GNAI1: variants seen among roughly 807,000 people sequenced by gnomAD.
GNAI1 encodes G protein subunit alpha i1, also known as guanine nucleotide-binding protein G(i) subunit alpha-1.
Under a neutral mutation model 38.9 loss-of-function variants are expected in GNAI1, and 11 were observed. The ratio of observed to expected loss-of-function variants is 0.28; its 90% CI spans 0.18 to 0.47. The LOEUF (loss-of-function observed/expected upper bound fraction) is 0.47. GNAI1 is among the 20% of genes least tolerant of loss of function. The pLI, the probability that GNAI1 is intolerant of heterozygous loss-of-function variation, is 0.99. For missense variants in GNAI1, 317 were observed against 436.9 expected, an observed-to-expected ratio of 0.73 and a Z score of 2.45; for synonymous variants, 166 against 145.1, an observed-to-expected ratio of 1.14 and a Z score of -1.04.
intron 1 of GNAI1, among the ~76,000 whole-genome samples, chr7:80,164,965 A>G (rs931416635): frequency 2.6e-5 from 4 of 152,210 alleles, no homozygotes; most frequent in Non-Finnish European, 5.9e-5. Context: ...CCTATGAGAA[A>G]AAGCTAAAGA....
At chr7:80,203,582 T>G in intron 4 of GNAI1, 122 bp from the exon 5 acceptor site, 1 of 625,948 alleles carries the variant, frequency 1.6e-6, no homozygotes, top group Non-Finnish European at 2.8e-6. Flanking sequence ...TACACACAAA[T>G]TTAAAAACTT....
intron 1 of GNAI1, among the ~76,000 whole-genome samples, chr7:80,140,344 A>G (rs924807313): frequency 1.3e-5 from 2 of 152,230 alleles, no homozygotes; most frequent in East Asian, 1.9e-4. Flanking sequence ...GATAGGAAAC[A>G]TGCCTATCTT....
At chr7:80,160,958 A>T (rs997462283) in intron 1 of GNAI1, among the ~76,000 whole-genome samples, 15 of 152,250 alleles carry the variant, frequency 9.9e-5, no homozygotes, top group Non-Finnish European at 2.1e-4. Context: ...TCCACAAACC[A>T]AGTGGCTCCC....
intron 5 of GNAI1, among the ~76,000 whole-genome samples, chr7:80,205,403 C>T (rs1378321842): frequency 6.6e-6 from 1 of 152,016 alleles, no homozygotes; most frequent in Non-Finnish European, 1.5e-5. Flanking sequence ...TATCATCTCT[C>T]AGCTGCAGAG....
chr7:80,162,238 G>T (rs1301044738), intron 1 of GNAI1, among the ~76,000 whole-genome samples: 1 of 152,106 alleles, frequency 6.6e-6, no homozygotes, highest in Non-Finnish European at 1.5e-5. Flanking sequence ...GAGACTTCTA[G>T]TTTCCAGAAC....
chr7:80,155,102 C>T (rs976217475), intron 1 of GNAI1, among the ~76,000 whole-genome samples: 2 of 152,026 alleles, frequency 1.3e-5, no homozygotes, highest in African/African-American at 4.8e-5. Context: ...GTATTTCTAA[C>T]TGAAGTGATT....
At chr7:80,199,762 T>C (rs541998021) in intron 4 of GNAI1, among the ~76,000 whole-genome samples, 1 of 152,258 alleles carries the variant, frequency 6.6e-6, no homozygotes, top group Non-Finnish European at 1.5e-5. Flanking sequence ...CCTTTCATTA[T>C]GTTAGCAGTG....
chr7:80,193,201 G>C (rs552692220), intron 3 of GNAI1, among the ~76,000 whole-genome samples: 12 of 152,222 alleles, frequency 7.9e-5, no homozygotes, highest in African/African-American at 2.2e-4. Flanking sequence ...TTGAGAGCCA[G>C]CTTAATTCCC....
At chr7:80,168,985 C>T (rs2523195) in intron 1 of GNAI1, among the ~76,000 whole-genome samples, 11,016 of 152,130 alleles carry the variant, frequency 0.072, 446 homozygotes, top group Non-Finnish European at 0.088. Context: ...CAGAAACTTA[C>T]GCTTCATTTT....
At chr7:80,157,848 A>C (rs1787846315) in intron 1 of GNAI1, among the ~76,000 whole-genome samples, 2 of 152,100 alleles carry the variant, frequency 1.3e-5, no homozygotes, top group Admixed American at 6.6e-5. Context: ...CTGGGATTAC[A>C]GACACTCACC....
chr7:80,162,901 G>T (rs1787948544), intron 1 of GNAI1, among the ~76,000 whole-genome samples: 3 of 152,164 alleles, frequency 2.0e-5, no homozygotes, highest in Admixed American at 2.0e-4. Flanking sequence ...AATATTGATA[G>T]GTTTCTGCTC....
At chr7:80,202,241 C>T (rs1788700469) in intron 4 of GNAI1, among the ~76,000 whole-genome samples, 1 of 152,084 alleles carries the variant, frequency 6.6e-6, no homozygotes, top group African/African-American at 2.4e-5. Flanking sequence ...AGGCACGCCT[C>T]ACCACGTCCA....
rs67345654 is a variant in GNAI1 at position 80,222,382 on chromosome 7, A to AT, written c.*4908dup. On this transcript the variant is annotated 3_prime_UTR_variant, in exon 8 of 8. Coordinates refer to ENST00000649796, the MANE Select transcript of GNAI1 (RefSeq NM_002069.6). The stretch of plus-strand genomic sequence containing the variant: ...TGAAGGAGCTAGTTCTTCAAATTTA[A>AT]TTTTTTTTTTTTTTTTTTTCCTGAG... 0.017 allele frequency among the ~76,000 whole-genome samples: 2,203 copies of AT among 127,824 alleles called. 65 individuals carry two copies. Among genetic ancestry groups the AT allele is most frequent in the African/African-American group, 0.058 (1,977 of 33,810 alleles). The allele number at this position is 127,824 out of a possible 152,430, so 83.9% of individuals were successfully genotyped here.
chr7:80,188,566 A>G (rs535197375), intron 1 of GNAI1, among the ~76,000 whole-genome samples: 15 of 152,342 alleles, frequency 9.8e-5, no homozygotes, highest in Admixed American at 2.0e-4. Context: ...TTAAATGCAT[A>G]CAACATGATA....
Position 80,218,249 on chromosome 7 carries a change from C to G in GNAI1, c.*756C>G, listed in dbSNP as rs17153599. 6.6e-6 allele frequency: 1 copy of G among 151,786 alleles called. No individual in the cohort carries two copies. The highest frequency in any genetic ancestry group is 1.5e-5 in the Non-Finnish European group (1 of 67,910). 9.4% of individuals were successfully genotyped at this position (151,786 alleles called of 1,614,324 possible). Reference sequence around the variant, plus strand: ...TTTGAAAAACTAAAATTTCAGATTTCTGAGGATATACTGTCTTAGACTTAT... The same window carrying G: ...TTTGAAAAACTAAAATTTCAGATTTGTGAGGATATACTGTCTTAGACTTAT... On this transcript the variant is annotated 3_prime_UTR_variant, in exon 8 of 8. Coordinates refer to ENST00000649796, the MANE Select transcript of GNAI1 (RefSeq NM_002069.6).
At chr7:80,169,850 C>T (rs1165842906) in intron 1 of GNAI1, among the ~76,000 whole-genome samples, 3 of 152,148 alleles carry the variant, frequency 2.0e-5, no homozygotes, top group Non-Finnish European at 4.4e-5. Flanking sequence ...AAACCCACAC[C>T]CTTACTCAAC....
At chr7:80,182,089 G>A (rs535954563) in intron 1 of GNAI1, among the ~76,000 whole-genome samples, 6 of 152,062 alleles carry the variant, frequency 3.9e-5, no homozygotes, top group African/African-American at 1.2e-4. Flanking sequence ...CTGTTTCTAT[G>A]AGTCTGACTT....
At chr7:80,201,600 T>C (rs1189455912) in intron 4 of GNAI1, among the ~76,000 whole-genome samples, 1 of 152,084 alleles carries the variant, frequency 6.6e-6, no homozygotes, top group East Asian at 1.9e-4. Flanking sequence ...GGCCCATCCC[T>C]GTAGTCCTAG....
chr7:80,206,041 TCTCA>T (rs1178648083), intron 5 of GNAI1, among the ~76,000 whole-genome samples: 1 of 152,084 alleles, frequency 6.6e-6, no homozygotes, highest in African/African-American at 2.4e-5. Context: ...CATAAAGAAG[TCTCA>T]CTGTTAGAAG....
Sources: allele counts gnomAD v4.1 joint callset (sites outside exome capture counted in the v4.1 genomes callset), GRCh38; gene constraint gnomAD v4.1.1; transcripts MANE v1.5; gene names NCBI Gene and HGNC (gene_info 2026-07-23, HGNC 2026-07-21).